SGK1: variants seen among roughly 807,000 people sequenced by gnomAD.
SGK1 encodes the protein serine/threonine-protein kinase Sgk1.
In SGK1, 26 loss-of-function variants were observed where a neutral mutation model predicts 64.2. That is an observed-to-expected ratio of 0.40 (90% confidence interval 0.30 to 0.56). The LOEUF (loss-of-function observed/expected upper bound fraction) is 0.56, where lower values mean the gene tolerates loss of function less well. SGK1 is among the 20% of genes least tolerant of loss of function. The pLI, the probability that SGK1 is intolerant of heterozygous loss-of-function variation, is 0.38. For synonymous variants in SGK1, 265 were observed against 239.7 expected, an observed-to-expected ratio of 1.11 and a Z score of -0.98; for missense variants, 519 against 645.6, an observed-to-expected ratio of 0.80 and a Z score of 2.12.
intron 2 of SGK1, among the ~76,000 whole-genome samples, chr6:134,241,035 CTTTTCTTT>C (rs1776436511): frequency 2.7e-5 from 2 of 74,238 alleles, no homozygotes; most frequent in Admixed American, 1.6e-4. Context: ...GAAGATGTTT[CTTTTCTTT>C]TTTTCTTTTT....
At chr6:134,241,234 G>C (rs1047587552) in intron 2 of SGK1, among the ~76,000 whole-genome samples, 2 of 151,826 alleles carry the variant, frequency 1.3e-5, no homozygotes, top group Admixed American at 1.3e-4. Context: ...ATTTTCTGTA[G>C]AGATAGGGTT....
In SGK1 at chr6:134,221,931, G is replaced by T. The variant is rs919341432; in HGVS notation, c.286-14500C>A. On this transcript the variant is annotated intron_variant, in intron 2 of 13. Coordinates refer to ENST00000367858, the MANE Select transcript of SGK1 (RefSeq NM_001143676.3). The stretch of plus-strand genomic sequence containing the variant: ...GCCTCCCAAAGTGCTAGGATTACAG[G>T]TGTGAGCTACCACGCCCGGCTGGCA... Among the ~76,000 whole-genome samples the T allele has an allele frequency of 2.0e-5, 3 of 152,258 alleles. 1 individual carries two copies. Among genetic ancestry groups the T allele is most frequent in the African/African-American group, 7.2e-5 (3 of 41,538 alleles).
chr6:134,238,919 C>T (rs1776403439), intron 2 of SGK1, among the ~76,000 whole-genome samples: 1 of 152,208 alleles, frequency 6.6e-6, no homozygotes, highest in Non-Finnish European at 1.5e-5. Flanking sequence ...TCAGAACACA[C>T]TATCCATATC....
At chr6:134,209,445 C>A (rs1775850271) in intron 2 of SGK1, among the ~76,000 whole-genome samples, 1 of 152,014 alleles carries the variant, frequency 6.6e-6, no homozygotes, top group South Asian at 2.1e-4. Context: ...AAAAAACAAA[C>A]AAACAAACAA....
chr6:134,224,213 G>A (rs1048069354), intron 2 of SGK1, among the ~76,000 whole-genome samples: 1 of 152,190 alleles, frequency 6.6e-6, no homozygotes, highest in African/African-American at 2.4e-5. Context: ...GCAAAACTGG[G>A]TTAGCATTTA....
chr6:134,218,977 T>TTTTTTG (rs369209665), intron 2 of SGK1, among the ~76,000 whole-genome samples: 14 of 151,990 alleles, frequency 9.2e-5, no homozygotes, highest in African/African-American at 1.4e-4. Flanking sequence ...AAATGGCTGT[T>TTTTTTG]TTTTTGTTTT....
At chr6:134,285,339 A>G (rs1777165762) in intron 1 of SGK1, among the ~76,000 whole-genome samples, 1 of 152,030 alleles carries the variant, frequency 6.6e-6, no homozygotes, top group African/African-American at 2.4e-5. Flanking sequence ...TTAGCCAAGC[A>G]TGGTGGTGCA....
chr6:134,208,054 G>C (rs1380894018), intron 2 of SGK1, among the ~76,000 whole-genome samples: 1 of 152,080 alleles, frequency 6.6e-6, no homozygotes, highest in African/African-American at 2.4e-5. Flanking sequence ...TGGGATTATA[G>C]GCGTGTGCCA....
At chr6:134,189,851 TTTTG>T (rs1291238928) in intron 3 of SGK1, among the ~76,000 whole-genome samples, 2 of 152,316 alleles carry the variant, frequency 1.3e-5, no homozygotes, top group Non-Finnish European at 2.9e-5. Context: ...TTTGGTTGTT[TTTTG>T]TTTGTTTGTT....
chr6:134,215,605 G>C (rs577756392), intron 2 of SGK1, among the ~76,000 whole-genome samples: 1 of 152,022 alleles, frequency 6.6e-6, no homozygotes. Flanking sequence ...GAGCACATGC[G>C]CGCGGTGGCT....
chr6:134,220,083 A>AAAAAAAAAAAAG (rs1776064991), intron 2 of SGK1, among the ~76,000 whole-genome samples: 1 of 131,712 alleles, frequency 7.6e-6, no homozygotes, highest in Non-Finnish European at 1.6e-5. Flanking sequence ...AAAAAAAAAA[A>AAAAAAAAAAAAG]AAAAGAAAAG....
intron 2 of SGK1, among the ~76,000 whole-genome samples, chr6:134,212,065 T>TG (rs1170039314): frequency 3.5e-3 from 305 of 87,186 alleles, no homozygotes; most frequent in African/African-American, 8.8e-3. Flanking sequence ...TTTTGTTTTT[T>TG]TTGGGGGGGA....
rs190443504 is a variant in SGK1, at chr6:134,272,540, A to G, written c.70-10392T>C. 4.8e-5 allele frequency among the ~76,000 whole-genome samples: 7 copies of G among 146,714 alleles called. No homozygotes were observed. In the East Asian group the frequency reaches 1.5e-3, roughly 31 times the overall value. ...GCATATTAAACACCTTGTTCTTGCAATATCTCTAAAAGCTAGCGAACAGAC... is the reference window on the plus strand; with the variant it reads ...GCATATTAAACACCTTGTTCTTGCAGTATCTCTAAAAGCTAGCGAACAGAC... On this transcript the variant is annotated intron_variant, in intron 1 of 13. Coordinates refer to ENST00000367858, the MANE Select transcript of SGK1 (RefSeq NM_001143676.3).
Position 134,241,037 on chromosome 6 carries a change from T to C in SGK1, c.285+20896A>G, listed in dbSNP as rs1582736359. ...GCAGCACTTTCCTGAAGATGTTTCT[T>C]TTCTTTTTTTCTTTTTTTTTTTTTT... On this transcript the variant is annotated intron_variant, in intron 2 of 13. Transcript: ENST00000367858. Among the ~76,000 whole-genome samples the C allele has an allele frequency of 2.3e-4, 11 of 46,860 alleles. No homozygotes were observed. The South Asian group carries it at 0.031, about 131-fold the overall frequency. 30.7% of individuals were successfully genotyped at this position (46,860 alleles called of 152,430 possible).
At chr6:134,235,874 C>G (rs536527364) in intron 2 of SGK1, among the ~76,000 whole-genome samples, 4 of 151,972 alleles carry the variant, frequency 2.6e-5, no homozygotes, top group African/African-American at 9.7e-5. Flanking sequence ...CGCACCTGGC[C>G]ATAGATATTT....
At chr6:134,247,933 T>G (rs914807601) in intron 2 of SGK1, among the ~76,000 whole-genome samples, 1 of 152,178 alleles carries the variant, frequency 6.6e-6, no homozygotes. Context: ...TGCAACATCA[T>G]GAAAATATAT....
chr6:134,203,888 AC>A (rs1319159180), intron 3 of SGK1, among the ~76,000 whole-genome samples: 1 of 152,032 alleles, frequency 6.6e-6, no homozygotes, highest in Non-Finnish European at 1.5e-5. Flanking sequence ...ACGTGGCAAA[AC>A]CCCGTCTCTA....
At chr6:134,244,375 G>A (rs1467809446) in intron 2 of SGK1, among the ~76,000 whole-genome samples, 6 of 152,170 alleles carry the variant, frequency 3.9e-5, no homozygotes, top group Non-Finnish European at 8.8e-5. Context: ...TAACATTGAT[G>A]GGCATTTGGG....
chr6:134,171,601 C>G (rs764492627), intron 11 of SGK1, 36 bp downstream of exon 11: 1 of 1,416,430 alleles, frequency 7.1e-7, no homozygotes, highest in Non-Finnish European at 1.0e-6. Context: ...TTGTAGGGAG[C>G]AGGCAGTGTT....
Sources: allele counts gnomAD v4.1 joint callset (sites outside exome capture counted in the v4.1 genomes callset), GRCh38; gene constraint gnomAD v4.1.1; transcripts MANE v1.5; gene names NCBI Gene and HGNC (gene_info 2026-07-23, HGNC 2026-07-21).